The following CLEC4A variants were observed in gnomAD, a reference collection of about 807,000 sequenced individuals.
CLEC4A encodes the protein C-type lectin domain family 4 member A.
Under a neutral mutation model 32.7 loss-of-function variants are expected in CLEC4A, and 27 were observed. That is an observed-to-expected ratio of 0.83 (90% CI 0.61 to 1.14). CLEC4A has a LOEUF of 1.14. Among genes scored for constraint, CLEC4A ranks in the 50% most tolerant of loss-of-function variants. The pLI, the probability that CLEC4A is intolerant of heterozygous loss-of-function variation, is 0.00. For missense variants in CLEC4A, 253 were observed against 274.6 expected (o/e 0.92, Z 0.55); for synonymous variants, 89 against 93.7 (o/e 0.95, Z 0.29).
chr12:8,121,241 A>T (rs1341462476), upstream of CLEC4A: 1 of 152,230 alleles, frequency 6.6e-6, no homozygotes, highest in African/African-American at 2.4e-5. Context: ...TTGCTTTCTA[A>T]TTATGAGCTT....
At chr12:8,137,053 T>C (rs1291903593) in intron 5 of CLEC4A, 150 bp downstream of exon 5, 1 of 513,072 alleles carries the variant, frequency 1.9e-6, no homozygotes, top group Non-Finnish European at 3.5e-6. Context: ...TCATTTAATC[T>C]GCGCAAGAAC....
At chr12:8,123,071 CCTAA>C (rs1341981891), upstream of CLEC4A, among the ~76,000 whole-genome samples, 3 of 152,098 alleles carry the variant, frequency 2.0e-5, no homozygotes, top group Non-Finnish European at 4.4e-5. Flanking sequence ...ATATAATTCT[CCTAA>C]CTGTTAAAAA....
intron 3 of CLEC4A, chr12:8,134,784 C>A (rs376132895): frequency 3.2e-6 from 5 of 1,552,608 alleles, no homozygotes; most frequent in South Asian, 2.4e-5. Context: ...CTCCGGCCCC[C>A]CTGGCCCATC....
At chr12:8,126,168 A>G (rs1346444046) in intron 2 of CLEC4A, among the ~76,000 whole-genome samples, 1 of 152,090 alleles carries the variant, frequency 6.6e-6, no homozygotes, top group African/African-American at 2.4e-5. Context: ...CTAAAAGTCA[A>G]TTTTGCAAAT....
the CLEC4A span, among the ~76,000 whole-genome samples, chr12:8,112,204 G>A: frequency 0.014 from 2,161 of 152,136 alleles, 61 homozygotes; most frequent in African/African-American, 0.049. Flanking sequence ...TTGACCTCAG[G>A]TGATCCGCCC....
At chr12:8,134,118 C>G in intron 3 of CLEC4A, 3 of 1,598,778 alleles carry the variant, frequency 1.9e-6, no homozygotes, top group Non-Finnish European at 1.7e-6. Flanking sequence ...AACAAATTCT[C>G]CAGGTTGCCT....
rs1388071977 is a variant in CLEC4A, at chr12:8,124,699, G to C, written c.82+739G>C. ...TAGTTACGCTTTCTAAAATACCTCT[G>C]TGAAGGTGTGGAGAGCACTTAGGGA... On this transcript the variant is annotated intron_variant, in intron 1 of 5. Coordinates refer to ENST00000229332, the MANE Select transcript of CLEC4A (RefSeq NM_016184.4). Among the ~76,000 whole-genome samples, 3 of 152,144 alleles carry C rather than the reference G, an allele frequency of 2.0e-5. No individual in the cohort carries two copies. The East Asian group carries it at 5.8e-4, about 29-fold the overall frequency.
At position 8,127,530 on chromosome 12, in the gene CLEC4A, T is replaced by G. The variant is rs77894436; in HGVS notation, c.200-1734T>G. On this transcript the variant is annotated intron_variant, in intron 2 of 5. Transcript: ENST00000229332. ...GCAATGTCACAGTCATAGAGAAAAT[T>G]GAAGAATTTTAAGCAGGGAATTGAT... Among the ~76,000 whole-genome samples the G allele has an allele frequency of 1.9e-3, 286 of 152,266 alleles. 3 individuals carry two copies. The East Asian group carries it at 0.035, about 19-fold the overall frequency.
At chr12:8,135,045 A>ATTTTTTTTTTTTTTTTTTTTTTTT (rs1565406500) in intron 3 of CLEC4A, among the ~76,000 whole-genome samples, 1 of 4,966 alleles carries the variant, frequency 2.0e-4, no homozygotes, top group Non-Finnish European at 4.8e-4. Context: ...CAATTTTATT[A>ATTTTTTTTTTTTTTTTTTTTTTTT]TCTTTTTTTT....
At chr12:8,111,914 AGT>A in the CLEC4A span, among the ~76,000 whole-genome samples, 4 of 117,662 alleles carry the variant, frequency 3.4e-5, no homozygotes, top group Admixed American at 2.6e-4. Context: ...TTGTTATGTG[AGT>A]GTGTATATGT....
intron 3 of CLEC4A, among the ~76,000 whole-genome samples, chr12:8,132,538 G>A (rs1168432725): frequency 1.3e-5 from 2 of 152,224 alleles, no homozygotes; most frequent in East Asian, 1.9e-4. Context: ...TAAATTAGTC[G>A]ATGTTATTTA....
the CLEC4A span, among the ~76,000 whole-genome samples, chr12:8,116,058 T>C: frequency 1.3e-5 from 2 of 152,116 alleles, no homozygotes; most frequent in Non-Finnish European, 2.9e-5. Context: ...CCTCCCAGGC[T>C]CAAGCGATTC....
At chr12:8,134,372 C>T in intron 3 of CLEC4A, 1 of 1,613,148 alleles carries the variant, frequency 6.2e-7, no homozygotes, top group Non-Finnish European at 8.5e-7. Context: ...GTGTATATCC[C>T]AGGGTGATCC....
chr12:8,135,469 T>TG (rs1276088739), intron 3 of CLEC4A, 116 bp from the exon 4 acceptor site: 2 of 1,005,960 alleles, frequency 2.0e-6, no homozygotes, highest in Non-Finnish European at 2.8e-6. Context: ...TGCATCTGAG[T>TG]GTGGAGGGGA....
chr12:8,112,471 A>G, the CLEC4A span, among the ~76,000 whole-genome samples: 1 of 152,022 alleles, frequency 6.6e-6, no homozygotes, highest in Non-Finnish European at 1.5e-5. Context: ...TTGTTTCTCT[A>G]TTTTGTCAAC....
intron 1 of CLEC4A, among the ~76,000 whole-genome samples, chr12:8,124,169 T>G (rs1452494593): frequency 6.6e-6 from 1 of 152,198 alleles, no homozygotes; most frequent in Admixed American, 6.5e-5. Context: ...TGTGCCACTC[T>G]CTTCAGCCTC....
chr12:8,137,825 G>A (rs897947575), intron 5 of CLEC4A, among the ~76,000 whole-genome samples: 3 of 152,040 alleles, frequency 2.0e-5, no homozygotes, highest in African/African-American at 7.2e-5. Flanking sequence ...CATCATACAA[G>A]GACACCCTAT....
the CLEC4A span, among the ~76,000 whole-genome samples, chr12:8,117,540 G>T: frequency 6.6e-6 from 1 of 152,106 alleles, no homozygotes; most frequent in South Asian, 2.1e-4. Context: ...CACCCAGCCT[G>T]CTTGGGCTCT....
intron 2 of CLEC4A, among the ~76,000 whole-genome samples, chr12:8,128,979 C>G (rs966842948): frequency 1.6e-3 from 240 of 152,196 alleles, no homozygotes; most frequent in African/African-American, 5.6e-3. Flanking sequence ...TGCATCCCCC[C>G]ACCCCCAAGA....
Sources: allele counts gnomAD v4.1 joint callset (sites outside exome capture counted in the v4.1 genomes callset), GRCh38; gene constraint gnomAD v4.1.1; transcripts MANE v1.5; gene names NCBI Gene and HGNC (gene_info 2026-07-23, HGNC 2026-07-21).